Variants in MAPKBP1 observed in about 807,000 individuals in gnomAD.
The protein encoded by MAPKBP1 is mitogen-activated protein kinase binding protein 1.
In MAPKBP1, 71 loss-of-function variants were observed where a neutral mutation model predicts 170.5. The ratio of observed to expected loss-of-function variants is 0.42; its 90% CI spans 0.34 to 0.51. The LOEUF (loss-of-function observed/expected upper bound fraction) is 0.51, where lower values mean the gene tolerates loss of function less well. Among genes scored for constraint, MAPKBP1 ranks in the 20% least tolerant of loss-of-function variants. The probability of loss-of-function intolerance (pLI) is 0.06; values close to 1 mark genes in which losing one functional copy is unlikely to be tolerated. For missense variants in MAPKBP1, 1,598 were observed against 1,933.0 expected, an observed-to-expected ratio of 0.83 and a Z score of 3.25; for synonymous variants, 719 against 757.9, an observed-to-expected ratio of 0.95 and a Z score of 0.84.
chr15:41,799,982 G>C, intron 3 of MAPKBP1, 68 bp downstream of exon 3: 1 of 1,333,878 alleles, frequency 7.5e-7, no homozygotes, highest in East Asian at 2.3e-5. Context: ...CAGTTGGGAT[G>C]GGCAGGGATT....
intron 2 of MAPKBP1, among the ~76,000 whole-genome samples, chr15:41,781,148 T>C (rs1393757482): frequency 6.6e-6 from 1 of 151,674 alleles, no homozygotes; most frequent in Non-Finnish European, 1.5e-5. Flanking sequence ...TGATCTCAGC[T>C]CACTGCAACC....
chr15:41,779,857 A>G (rs1187709921), intron 2 of MAPKBP1, among the ~76,000 whole-genome samples: 2 of 152,240 alleles, frequency 1.3e-5, no homozygotes, highest in African/African-American at 2.4e-5. Context: ...GTCTCTTGAA[A>G]TAAGGCTTGT....
chr15:41,782,556 A>G (rs760580748), intron 2 of MAPKBP1, among the ~76,000 whole-genome samples: 12 of 152,330 alleles, frequency 7.9e-5, no homozygotes, highest in Non-Finnish European at 1.8e-4. Context: ...AAGAAAACTA[A>G]TGATAAGAGA....
chr15:41,816,315 T>A, intron 12 of MAPKBP1: 1 of 513,486 alleles, frequency 1.9e-6, no homozygotes, highest in Non-Finnish European at 3.5e-6. Context: ...AGGTCTCTAA[T>A]TAATAGTATT....
Position 41,815,890 on chromosome 15 carries a change from T to G in MAPKBP1, c.1493+91T>G, listed in dbSNP as rs2064882802. 11 of 1,343,708 alleles carry G rather than the reference T, an allele frequency of 8.2e-6. No homozygotes were observed. The South Asian group carries it at 1.3e-4, about 16-fold the overall frequency. The allele number at this position is 1,343,708 out of a possible 1,614,324, so 83.2% of individuals were successfully genotyped here. On this transcript the variant is annotated intron_variant, in intron 12 of 30. Transcript: ENST00000457542. The stretch of plus-strand genomic sequence containing the variant: ...TAGGGAGGGTTTGGCTCAAAAAGAT[T>G]GGGCAACAAGATACTTATTTACAAG...
intron 2 of MAPKBP1, among the ~76,000 whole-genome samples, chr15:41,790,039 G>T (rs1254729568): frequency 6.6e-6 from 1 of 152,184 alleles, no homozygotes; most frequent in Non-Finnish European, 1.5e-5. Flanking sequence ...GTGTAAAATG[G>T]AGATAATACT....
chr15:41,815,930 T>G, intron 12 of MAPKBP1, 131 bp downstream of exon 12: 1 of 887,350 alleles, frequency 1.1e-6, no homozygotes, highest in Non-Finnish European at 1.7e-6. Context: ...AGATAATAAC[T>G]TCACAATGAG....
intron 3 of MAPKBP1, among the ~76,000 whole-genome samples, chr15:41,807,433 C>T (rs2064718414): frequency 6.6e-6 from 1 of 152,156 alleles, no homozygotes; most frequent in Admixed American, 6.5e-5. Context: ...CAAATAGATC[C>T]CAGTTTTTCT....
intron 2 of MAPKBP1, among the ~76,000 whole-genome samples, chr15:41,776,189 C>A (rs567891155): frequency 6.7e-4 from 102 of 152,350 alleles, no homozygotes; most frequent in Middle Eastern, 3.4e-3. Context: ...TTTACTCCCA[C>A]AGGATCAGAT....
In MAPKBP1 at chr15:41,811,944, T is replaced by C. The variant is rs745893587; in HGVS notation, c.328-13T>C. 4.3e-6 allele frequency: 7 copies of C among 1,613,854 alleles called. No homozygotes were observed. Among genetic ancestry groups the C allele is most frequent in the Non-Finnish European group, 5.9e-6 (7 of 1,179,864 alleles). On this transcript the variant is annotated splice_polypyrimidine_tract_variant and intron_variant, in intron 5 of 30. Coordinates refer to ENST00000457542, the MANE Select transcript of MAPKBP1 (RefSeq NM_014994.3). ...AAGTCAAGAACTCACTTCCAGTTCT[T>C]GCCTCCCTGCAGAGTGGGCACATGC...
At chr15:41,813,851 CAG>C in intron 9 of MAPKBP1, 70 bp downstream of exon 9, 3 of 1,484,566 alleles carry the variant, frequency 2.0e-6, no homozygotes, top group Non-Finnish European at 2.7e-6. Context: ...GTCAGTGCCT[CAG>C]GGAGCAGGTG....
At chr15:41,816,433 CA>C in intron 12 of MAPKBP1, 125 bp from the exon 13 acceptor site, 1 of 632,022 alleles carries the variant, frequency 1.6e-6, no homozygotes, top group Non-Finnish European at 2.8e-6. Flanking sequence ...GTTCTTTCAG[CA>C]ACTTTTCTCT....
In MAPKBP1 at chr15:41,818,508, G is replaced by T. The variant is rs1333635769; in HGVS notation, c.2093-11G>T. 1 of 1,611,044 alleles carries T rather than the reference G, an allele frequency of 6.2e-7. No homozygotes were observed. The highest frequency in any genetic ancestry group is 1.7e-5 in the Admixed American group (1 of 59,628). On this transcript the variant is annotated splice_polypyrimidine_tract_variant and intron_variant, in intron 18 of 30. Coordinates refer to ENST00000457542, the MANE Select transcript of MAPKBP1 (RefSeq NM_014994.3). The surrounding 1 kb of genome is among the most constrained non-coding windows in gnomAD (Gnocchi z 5.2). Reference sequence around the variant, plus strand: ...AGGTGGCTTATAGACCGTATTCTTTGTTCTTCACAGAGATTGTCACTGGCA... The same window carrying T: ...AGGTGGCTTATAGACCGTATTCTTTTTTCTTCACAGAGATTGTCACTGGCA...
chr15:41,813,774 G>A lies in MAPKBP1; in HGVS notation c.973G>A (p.Glu325Lys), dbSNP rs543114833. ...ALGTDIASVT[E>K]ASRLFSGVAN... ...GGGGACAGACATTGCTAGCGTCACC[G>A]AGGCCAGGTGAGCTATGTGGGCCCC... is the stretch of plus-strand genomic sequence containing the variant. Residue 325 changes from glutamate to lysine, a missense_variant, in exon 9 of 31, where the codon GAG (glutamate) becomes AAG (lysine). By Grantham distance (56) the Glu-to-Lys change is moderately conservative. Around this residue, in one of 6 missense-constraint regions of MAPKBP1, gnomAD observed 430 missense variants for 617.2 expected, o/e 0.70. Coordinates refer to ENST00000457542, the MANE Select transcript of MAPKBP1 (RefSeq NM_014994.3). The A allele has an allele frequency of 4.4e-6, 7 of 1,591,356 alleles. No individual in the cohort carries two copies. Among genetic ancestry groups the A allele is most frequent in the East Asian group, 2.3e-5 (1 of 44,382 alleles).
At chr15:41,812,730 C>T in intron 7 of MAPKBP1, 77 bp downstream of exon 7, 1 of 1,510,762 alleles carries the variant, frequency 6.6e-7, no homozygotes, top group Non-Finnish European at 8.9e-7. Flanking sequence ...GACTCTGCCC[C>T]ACTTGGGCCT....
At chr15:41,806,181 C>T (rs2064687461) in intron 3 of MAPKBP1, among the ~76,000 whole-genome samples, 1 of 152,150 alleles carries the variant, frequency 6.6e-6, no homozygotes, top group African/African-American at 2.4e-5. Flanking sequence ...AGATGGATCC[C>T]CACCCCCAGT....
At chr15:41,792,380 C>T (rs1043913598) in intron 2 of MAPKBP1, among the ~76,000 whole-genome samples, 2 of 152,040 alleles carry the variant, frequency 1.3e-5, no homozygotes, top group Non-Finnish European at 2.9e-5. Context: ...GTAATTCTGC[C>T]TCCAGTAGCC....
rs916499360 is a variant in MAPKBP1, at chr15:41,812,223, C to G, written c.498+96C>G. The G allele has an allele frequency of 1.2e-5, 17 of 1,457,956 alleles. No individual in the cohort carries two copies. In the African/African-American group the frequency reaches 2.1e-4, roughly 18 times the overall value. The allele number at this position is 1,457,956 out of a possible 1,614,324, so 90.3% of individuals were successfully genotyped here. A position where few individuals can be genotyped will look rare whatever the true frequency, so the allele number is the denominator to read the frequency against. On this transcript the variant is annotated intron_variant, in intron 6 of 30. Coordinates refer to ENST00000457542, the MANE Select transcript of MAPKBP1 (RefSeq NM_014994.3). ...CTGACCTGCACTGCTCCATTCCACC[C>G]CACTGAACCATTCTCATTCTAGAAA...
rs1278751355 is a variant in MAPKBP1, at chr15:41,827,433, C to T, written c.*1997C>T. ...CACCCGCATGGCCCTGGAACTCCCG[C>T]GGCGGCGGGGGCGGGCCCGTGCCTG... is the stretch of plus-strand genomic sequence containing the variant. On this transcript the variant is annotated 3_prime_UTR_variant, in exon 31 of 31. Coordinates refer to ENST00000457542, the MANE Select transcript of MAPKBP1 (RefSeq NM_014994.3). 6.6e-6 allele frequency: 1 copy of T among 152,514 alleles called. No individual in the cohort carries two copies. The highest frequency in any genetic ancestry group is 6.5e-5 in the Admixed American group (1 of 15,290). The allele number at this position is 152,514 out of a possible 1,614,324, so 9.4% of individuals were successfully genotyped here. A position where few individuals can be genotyped will look rare whatever the true frequency, so the allele number is the denominator to read the frequency against.
Sources: allele counts gnomAD v4.1 joint callset (sites outside exome capture counted in the v4.1 genomes callset), GRCh38; gene constraint gnomAD v4.1.1; regional missense constraint gnomAD v4.1.1; non-coding constraint Gnocchi (gnomAD v3.1); transcripts MANE v1.5; gene names NCBI Gene and HGNC (gene_info 2026-07-23, HGNC 2026-07-21).